Variants in WDR27 observed in about 807,000 individuals in gnomAD.
WDR27 encodes WD repeat-containing protein 27.
In WDR27, 100 loss-of-function variants were observed where a neutral mutation model predicts 114.4. The ratio of observed to expected loss-of-function variants is 0.87; its 90% CI spans 0.74 to 1.03. The LOEUF (loss-of-function observed/expected upper bound fraction) is 1.03. Ranked by LOEUF, WDR27 falls within the 50% of genes least tolerant of loss-of-function variation. The pLI, the probability that WDR27 is intolerant of heterozygous loss-of-function variation, is 0.00. For synonymous variants in WDR27, 449 were observed against 423.1 expected, an observed-to-expected ratio of 1.06 and a Z score of -0.75; for missense variants, 1,129 against 1,092.9, an observed-to-expected ratio of 1.03 and a Z score of -0.47.
intron 1 of WDR27, among the ~76,000 whole-genome samples, chr6:169,695,893 G>A (rs756441440): frequency 7.2e-5 from 11 of 152,124 alleles, no homozygotes; most frequent in Non-Finnish European, 1.5e-4. Context: ...TGTGGTTACC[G>A]GCTCTCAAGA....
chr6:169,489,846 C>T (rs575734551), intron 25 of WDR27, among the ~76,000 whole-genome samples: 2 of 152,246 alleles, frequency 1.3e-5, no homozygotes, highest in Non-Finnish European at 2.9e-5. Flanking sequence ...AATATTTCCA[C>T]TGTGTTTAAA....
At position 169,457,521 on chromosome 6, in the gene WDR27, C is replaced by CT. The variant is rs1347747272; in HGVS notation, c.*70_*71insA. The CT allele has an allele frequency of 1.4e-5, 19 of 1,355,718 alleles. No homozygotes were observed. Among genetic ancestry groups the CT allele is most frequent in the Middle Eastern group, 3.7e-4 (2 of 5,446 alleles). 84.0% of individuals were successfully genotyped at this position (1,355,718 alleles called of 1,614,324 possible). On this transcript the variant is annotated 3_prime_UTR_variant, in exon 26 of 26. Coordinates refer to ENST00000448612, the MANE Select transcript of WDR27 (RefSeq NM_182552.5). Reference sequence around the variant, plus strand: ...GCTTCTGGCCCCCTGATGGATGAACCACTACTTCTTACTTTTAAGTTGTTC... The same window carrying CT: ...GCTTCTGGCCCCCTGATGGATGAACCTACTACTTCTTACTTTTAAGTTGTTC...
intron 23 of WDR27, among the ~76,000 whole-genome samples, chr6:169,589,436 C>T (rs1805273913): frequency 6.6e-6 from 1 of 152,180 alleles, no homozygotes; most frequent in African/African-American, 2.4e-5. Context: ...TCTTGAAAAG[C>T]GCTTCCTGAG....
At chr6:169,676,362 C>G (rs771162241) in intron 2 of WDR27, among the ~76,000 whole-genome samples, 9 of 152,174 alleles carry the variant, frequency 5.9e-5, no homozygotes, top group Non-Finnish European at 1.0e-4. Flanking sequence ...TATAACGTGG[C>G]TTACTTTCCA....
At chr6:169,475,675 A>T (rs1165540828) in intron 25 of WDR27, among the ~76,000 whole-genome samples, 2 of 152,168 alleles carry the variant, frequency 1.3e-5, no homozygotes, top group Non-Finnish European at 2.9e-5. Flanking sequence ...TTGTGCTTCC[A>T]TATTTAATAT....
intron 21 of WDR27, among the ~76,000 whole-genome samples, chr6:169,615,562 TG>T (rs1194361535): frequency 6.6e-6 from 1 of 152,184 alleles, no homozygotes. Flanking sequence ...TAAATGGTGC[TG>T]GGATAACTGG....
chr6:169,440,089 A>G, the WDR27 span, among the ~76,000 whole-genome samples: 1 of 152,138 alleles, frequency 6.6e-6, no homozygotes, highest in Non-Finnish European at 1.5e-5. Flanking sequence ...AGATTCAATC[A>G]TTATGCTTGC....
At chr6:169,431,592 G>A in the WDR27 span, among the ~76,000 whole-genome samples, 8 of 152,066 alleles carry the variant, frequency 5.3e-5, no homozygotes, top group African/African-American at 1.9e-4. Context: ...CCTGTTAAAG[G>A]TGGCTTGCCA....
chr6:169,628,040 C>T (rs1002992903), intron 21 of WDR27, among the ~76,000 whole-genome samples: 4 of 152,030 alleles, frequency 2.6e-5, no homozygotes, highest in Non-Finnish European at 5.9e-5. Context: ...TGCTCTCCCC[C>T]CAGAATTCAT....
At chr6:169,591,217 G>A (rs192973518) in intron 23 of WDR27, among the ~76,000 whole-genome samples, 2 of 152,250 alleles carry the variant, frequency 1.3e-5, no homozygotes, top group Admixed American at 6.5e-5. Context: ...GATGATTGGT[G>A]ATGTGAGCCC....
chr6:169,492,491 C>T (rs746037073), intron 25 of WDR27, among the ~76,000 whole-genome samples: 2 of 152,050 alleles, frequency 1.3e-5, no homozygotes, highest in Non-Finnish European at 1.5e-5. Flanking sequence ...ACATTAGACA[C>T]CCGAAGGCAG....
chr6:169,489,741 C>T (rs564336400), intron 25 of WDR27, among the ~76,000 whole-genome samples: 2 of 152,278 alleles, frequency 1.3e-5, no homozygotes, highest in Admixed American at 6.5e-5. Context: ...TTCTGAAATC[C>T]CTCCAGATGG....
intron 13 of WDR27, among the ~76,000 whole-genome samples, chr6:169,654,766 ACAG>A (rs1254546002): frequency 5.1e-5 from 7 of 136,688 alleles, no homozygotes; most frequent in African/African-American, 1.7e-4. Flanking sequence ...GGCGGCGCGC[ACAG>A]CAGAAGGAGG....
chr6:169,596,361 T>C (rs1180412631), intron 23 of WDR27, among the ~76,000 whole-genome samples: 1 of 152,064 alleles, frequency 6.6e-6, no homozygotes, highest in Non-Finnish European at 1.5e-5. Flanking sequence ...TTGTGCTCTC[T>C]GTATTTGCTT....
chr6:169,429,628 C>T, the WDR27 span, among the ~76,000 whole-genome samples: 1 of 152,162 alleles, frequency 6.6e-6, no homozygotes, highest in Non-Finnish European at 1.5e-5. Flanking sequence ...TCCTTTCTTT[C>T]TTATCCCGCT....
chr6:169,701,471 T>C (rs1397792006), intron 1 of WDR27, 80 bp downstream of exon 1: 1 of 152,390 alleles, frequency 6.6e-6, no homozygotes, highest in Non-Finnish European at 1.5e-5. Flanking sequence ...TCTACAGCCC[T>C]GGTTCGTTCC....
At chr6:169,541,633 G>A (rs1484739681) in intron 25 of WDR27, among the ~76,000 whole-genome samples, 1 of 152,186 alleles carries the variant, frequency 6.6e-6, no homozygotes, top group Non-Finnish European at 1.5e-5. Context: ...GAAAAGCTTG[G>A]TCTAACTGAC....
At chr6:169,508,790 C>T (rs532715391) in intron 25 of WDR27, among the ~76,000 whole-genome samples, 1 of 152,294 alleles carries the variant, frequency 6.6e-6, no homozygotes, top group South Asian at 2.1e-4. Context: ...TCAGTAGATA[C>T]TTTGTAGAAA....
At chr6:169,593,017 C>T (rs1806053164) in intron 23 of WDR27, among the ~76,000 whole-genome samples, 1 of 152,170 alleles carries the variant, frequency 6.6e-6, no homozygotes, top group Non-Finnish European at 1.5e-5. Flanking sequence ...CCCACTTGGA[C>T]ATGATAAATT....
Sources: gnomAD v4.1 joint callset for allele counts (sites outside exome capture counted in the v4.1 genomes callset) on GRCh38, gnomAD v4.1.1 for gene constraint, MANE v1.5 for transcripts, NCBI Gene and HGNC (gene_info 2026-07-23, HGNC 2026-07-21) for gene names.